Variants in MAEA observed in about 807,000 individuals in gnomAD.
MAEA encodes E3 ubiquitin-protein transferase MAEA.
A neutral mutation model predicts 46.2 loss-of-function variants in MAEA; 22 were observed. That is an observed-to-expected ratio of 0.48 (90% CI 0.34 to 0.68). The LOEUF (loss-of-function observed/expected upper bound fraction) is 0.68. Ranked by LOEUF, MAEA falls within the 30% of genes least tolerant of loss-of-function variation. MAEA has a pLI of 0.01. For missense variants in MAEA, 393 were observed against 558.1 expected (o/e 0.70, Z 2.98); for synonymous variants, 246 against 222.6 (o/e 1.11, Z -0.94).
At chr4:1,319,382 C>T (rs1434115105) in intron 3 of MAEA, among the ~76,000 whole-genome samples, 4 of 152,146 alleles carry the variant, frequency 2.6e-5, no homozygotes, top group African/African-American at 4.8e-5. Context: ...ATGAGCATTT[C>T]GTGTGAGACA....
chr4:1,297,656 C>T (rs373381811), intron 1 of MAEA, among the ~76,000 whole-genome samples: 58 of 152,320 alleles, frequency 3.8e-4, no homozygotes, highest in East Asian at 3.5e-3. Flanking sequence ...TCCTTTAGAG[C>T]GTCTGCTCTG....
At chr4:1,296,709 T>C (rs1298907195) in intron 1 of MAEA, among the ~76,000 whole-genome samples, 1 of 151,900 alleles carries the variant, frequency 6.6e-6, no homozygotes, top group African/African-American at 2.4e-5. Flanking sequence ...CTGTTTTACC[T>C]AAATCAGATT....
chr4:1,306,505 A>C (rs779211481), intron 1 of MAEA, among the ~76,000 whole-genome samples: 1 of 152,110 alleles, frequency 6.6e-6, no homozygotes, highest in African/African-American at 2.4e-5. Context: ...ATGGAGTGAG[A>C]CTGTGTCTCA....
Position 1,328,983 on chromosome 4 carries a change from G to A in MAEA, c.656+1280G>A, listed in dbSNP as rs530813334. The A allele has an allele frequency of 6.2e-4, 613 of 991,772 alleles. 2 individuals carry two copies. The African/African-American group carries it at 9.7e-3, about 16-fold the overall frequency. The allele number at this position is 991,772 out of a possible 1,614,324, so 61.4% of individuals were successfully genotyped here. On this transcript the variant is annotated intron_variant, in intron 5 of 8. Coordinates refer to ENST00000303400, the MANE Select transcript of MAEA (RefSeq NM_001017405.3). ...CCCCCTGTCAAGAGGAGGGGCTCCCGCTCTGCTCTGGCCTCCGTGTGGCCT... is the reference window on the plus strand; with the variant it reads ...CCCCCTGTCAAGAGGAGGGGCTCCCACTCTGCTCTGGCCTCCGTGTGGCCT...
chr4:1,339,397 C>A lies in MAEA; in HGVS notation c.*228C>A, dbSNP rs1713229515. 1 of 551,648 alleles carries A rather than the reference C, an allele frequency of 1.8e-6. No individual in the cohort carries two copies. The allele number at this position is 551,648 out of a possible 1,614,324, so 34.2% of individuals were successfully genotyped here. A position where few individuals can be genotyped will look rare whatever the true frequency, so the allele number is the denominator to read the frequency against. On this transcript the variant is annotated 3_prime_UTR_variant, in exon 9 of 9. Coordinates refer to ENST00000303400, the MANE Select transcript of MAEA (RefSeq NM_001017405.3). Reference sequence around the variant, plus strand: ...TTTGTAACACGTCAACCATTTGATGCTTCTGAAAAGTACTTTCAACTTGCG... The same window carrying A: ...TTTGTAACACGTCAACCATTTGATGATTCTGAAAAGTACTTTCAACTTGCG...
intron 2 of MAEA, among the ~76,000 whole-genome samples, chr4:1,314,187 G>A (rs558782001): frequency 7.3e-5 from 11 of 151,302 alleles, no homozygotes; most frequent in Non-Finnish European, 1.2e-4. Flanking sequence ...AAAATTAGCC[G>A]GGCATGGTGT....
rs145561240 is a variant in MAEA at position 1,333,381 on chromosome 4, T to C, written c.765+516T>C. 2.7e-3 allele frequency among the ~76,000 whole-genome samples: 406 copies of C among 151,746 alleles called. 2 individuals carry two copies. Among genetic ancestry groups the C allele is most frequent in the African/African-American group, 8.7e-3 (359 of 41,394 alleles). On this transcript the variant is annotated intron_variant, in intron 6 of 8. Transcript: ENST00000303400. ...CAGTTGAGAAAGGTTCAGGAAGCCT[T>C]TCAGCCTGGAGCGTTCAGCCGGGGC... is the stretch of plus-strand genomic sequence containing the variant.
At chr4:1,317,702 T>A (rs1737472809) in intron 3 of MAEA, among the ~76,000 whole-genome samples, 1 of 152,168 alleles carries the variant, frequency 6.6e-6, no homozygotes, top group Non-Finnish European at 1.5e-5. Context: ...GGGTATGGCG[T>A]CTCGGTTCAC....
intron 1 of MAEA, among the ~76,000 whole-genome samples, chr4:1,292,618 A>G (rs1245947624): frequency 6.6e-6 from 1 of 152,194 alleles, no homozygotes; most frequent in Non-Finnish European, 1.5e-5. Flanking sequence ...TCTGCCTGCC[A>G]GATGCCAAGA....
chr4:1,332,920 G>C (rs1712039063), intron 6 of MAEA, 55 bp downstream of exon 6: 1 of 1,380,242 alleles, frequency 7.2e-7, no homozygotes, highest in Non-Finnish European at 1.0e-6. Context: ...TCCAGGGTGT[G>C]TCTCTGGTCT....
Position 1,322,943 on chromosome 4 carries a change from C to CCTTTTTTTTTTTTTTTTTTTTTTTTTTT in MAEA, c.579+440_579+441insCTTTTTTTTTTTTTTTTTTTTTTTTTTT, listed in dbSNP as rs1560368750. 4.0e-5 allele frequency among the ~76,000 whole-genome samples: 3 copies of CCTTTTTTTTTTTTTTTTTTTTTTTTTTT among 75,246 alleles called. 1 individual carries two copies. 49.4% of individuals were successfully genotyped at this position (75,246 alleles called of 152,430 possible). On this transcript the variant is annotated intron_variant, in intron 4 of 8. Transcript: ENST00000303400. ...CTGTGATATTGTTAATGAATACCCA[C>CCTTTTTTTTTTTTTTTTTTTTTTTTTTT]TTTTTTTTTTTTTTTTTTTTTTTTT...
intron 3 of MAEA, among the ~76,000 whole-genome samples, chr4:1,320,346 A>G (rs1465288825): frequency 6.6e-6 from 1 of 151,828 alleles, no homozygotes; most frequent in Admixed American, 6.6e-5. Flanking sequence ...GAAATCATCA[A>G]AGCAAACATG....
intron 5 of MAEA, chr4:1,331,254 G>A (rs7654152): frequency 0.16 from 23,324 of 149,758 alleles, 2,377 homozygotes; most frequent in African/African-American, 0.29. Context: ...GGTCAGCCGT[G>A]TGGACTCACC....
In MAEA at chr4:1,329,178, C is replaced by T. The variant is rs376554448; in HGVS notation, c.656+1475C>T. 419 of 985,748 alleles carry T rather than the reference C, an allele frequency of 4.3e-4. 4 individuals carry two copies. The South Asian group carries it at 0.012, about 29-fold the overall frequency. The allele number at this position is 985,748 out of a possible 1,614,324, so 61.1% of individuals were successfully genotyped here. A position where few individuals can be genotyped will look rare whatever the true frequency, so the allele number is the denominator to read the frequency against. On this transcript the variant is annotated intron_variant, in intron 5 of 8. Transcript: ENST00000303400. ...TCTTCATCTAGGTGGCAGCTGGTTC[C>T]GCATAGGGTCTGTTGACCTGTTACC... is the stretch of plus-strand genomic sequence containing the variant.
intron 5 of MAEA, chr4:1,330,226 T>A: frequency 2.6e-6 from 2 of 782,462 alleles, no homozygotes; most frequent in Non-Finnish European, 3.1e-6. Flanking sequence ...TCATGGGCTT[T>A]GTGTGAGCAG....
chr4:1,323,877 C>T (rs1424908029), intron 4 of MAEA, among the ~76,000 whole-genome samples: 1 of 152,222 alleles, frequency 6.6e-6, no homozygotes, highest in Non-Finnish European at 1.5e-5. Flanking sequence ...GCCCTGAATG[C>T]ATGCCTGGGG....
chr4:1,332,374 T>G (rs1231381426), intron 5 of MAEA: 1 of 177,492 alleles, frequency 5.6e-6, no homozygotes, highest in Non-Finnish European at 1.2e-5. Flanking sequence ...AGGCGATTAC[T>G]TTGTACCTAG....
At chr4:1,335,269 A>C in intron 6 of MAEA, 3 of 985,432 alleles carry the variant, frequency 3.0e-6, no homozygotes, top group Non-Finnish European at 3.6e-6. Context: ...TCTGAGGTGC[A>C]CTCTGCACTG....
intron 4 of MAEA, among the ~76,000 whole-genome samples, chr4:1,325,323 C>T (rs1014562608): frequency 4.6e-5 from 7 of 152,244 alleles, no homozygotes; most frequent in African/African-American, 1.4e-4. Flanking sequence ...GAAAGCCACA[C>T]GGAGCCATCA....
Sources: gnomAD v4.1 joint callset for allele counts (sites outside exome capture counted in the v4.1 genomes callset) on GRCh38, gnomAD v4.1.1 for gene constraint, MANE v1.5 for transcripts, NCBI Gene and HGNC (gene_info 2026-07-23, HGNC 2026-07-21) for gene names.